CNIH3: variants seen among roughly 807,000 people sequenced by gnomAD.
CNIH3 encodes protein cornichon homolog 3.
A neutral mutation model predicts 24.1 loss-of-function variants in CNIH3; 14 were observed. The ratio of observed to expected loss-of-function variants is 0.58; its 90% CI spans 0.38 to 0.91. The LOEUF (loss-of-function observed/expected upper bound fraction) is 0.91, where lower values mean the gene tolerates loss of function less well. Among genes scored for constraint, CNIH3 ranks in the 40% least tolerant of loss-of-function variants. CNIH3 has a pLI of 0.00. For missense variants in CNIH3, 178 were observed against 196.8 expected, an observed-to-expected ratio of 0.90 and a Z score of 0.57; for synonymous variants, 68 against 73.8, an observed-to-expected ratio of 0.92 and a Z score of 0.40.
intron 1 of CNIH3, among the ~76,000 whole-genome samples, chr1:224,443,448 T>G (rs1309479335): frequency 6.6e-6 from 1 of 152,146 alleles, no homozygotes; most frequent in African/African-American, 2.4e-5. Context: ...CTAGGTCAGC[T>G]GGCAAAGGAA....
Position 224,661,625 on chromosome 1 carries a change from A to T in CNIH3, c.82-19333A>T, listed in dbSNP as rs1685358738. The T allele has an allele frequency of 9.3e-6, 3 of 321,794 alleles. No individual in the cohort carries two copies. The South Asian group carries it at 1.0e-4, about 11-fold the overall frequency. The allele number at this position is 321,794 out of a possible 1,614,324, so 19.9% of individuals were successfully genotyped here. A position where few individuals can be genotyped will look rare whatever the true frequency, so the allele number is the denominator to read the frequency against. On this transcript the variant is annotated intron_variant, in intron 1 of 5. Transcript: ENST00000272133. ...TCTACGTTATGAAATGTGATGACAA[A>T]CTCAAATGATTGTCAAAATGACTTC...
At chr1:224,574,806 T>C (rs1316185952) in intron 4 of CNIH3, 3 of 972,432 alleles carry the variant, frequency 3.1e-6, no homozygotes, top group African/African-American at 3.2e-5. Context: ...ATTTTTCCCA[T>C]TGGATGAGCC....
chr1:224,641,356 C>A (rs1684352335), intron 1 of CNIH3, among the ~76,000 whole-genome samples: 1 of 152,200 alleles, frequency 6.6e-6, no homozygotes, highest in Non-Finnish European at 1.5e-5. Context: ...TGGGAACCCT[C>A]CCCTCCATCC....
intron 1 of CNIH3, among the ~76,000 whole-genome samples, chr1:224,443,796 T>C (rs1193062936): frequency 6.6e-6 from 1 of 152,060 alleles, no homozygotes; most frequent in Non-Finnish European, 1.5e-5. Context: ...GTCCTCTGTT[T>C]CAGAGACTGC....
chr1:224,569,208 A>G (rs1172142704), intron 4 of CNIH3, among the ~76,000 whole-genome samples: 3 of 152,178 alleles, frequency 2.0e-5, no homozygotes, highest in African/African-American at 4.8e-5. Flanking sequence ...ACATTTTGCT[A>G]TATTCCAAAA....
intron 4 of CNIH3, among the ~76,000 whole-genome samples, chr1:224,571,816 A>G (rs1680831116): frequency 3.9e-5 from 6 of 152,100 alleles, no homozygotes; most frequent in Admixed American, 3.9e-4. Flanking sequence ...GTGGAAAGCA[A>G]AAGAGAGAGG....
intron 3 of CNIH3, among the ~76,000 whole-genome samples, chr1:224,554,698 C>T (rs1680064240): frequency 6.6e-6 from 1 of 152,004 alleles, no homozygotes; most frequent in African/African-American, 2.4e-5. Flanking sequence ...ATCCTCCCAC[C>T]TCAGCCTCTT....
At chr1:224,720,951 G>A (rs995134799) in intron 3 of CNIH3, among the ~76,000 whole-genome samples, 25 of 152,156 alleles carry the variant, frequency 1.6e-4, no homozygotes, top group African/African-American at 5.6e-4. Flanking sequence ...TGGCCACTAC[G>A]TTCTGCCTTC....
intron 1 of CNIH3, among the ~76,000 whole-genome samples, chr1:224,671,681 CAT>C (rs777299430): frequency 2.6e-5 from 4 of 152,226 alleles, no homozygotes; most frequent in African/African-American, 7.2e-5. Context: ...TCAAATAAAA[CAT>C]GTGAAAACAC....
exon 4 of CNIH3, chr1:224,566,237 C>G (rs1680575822): frequency 1.3e-5 from 2 of 152,110 alleles, no homozygotes; most frequent in Non-Finnish European, 1.5e-5. Context: ...ACTGGAGAGA[C>G]CAGTGCCAGA....
chr1:224,558,801 G>T (rs1160598952), intron 3 of CNIH3, among the ~76,000 whole-genome samples: 1 of 152,146 alleles, frequency 6.6e-6, no homozygotes, highest in Non-Finnish European at 1.5e-5. Flanking sequence ...TGTGAAACGA[G>T]GACACCTTTT....
chr1:224,691,749 G>A (rs1686943653), intron 3 of CNIH3, among the ~76,000 whole-genome samples: 1 of 152,148 alleles, frequency 6.6e-6, no homozygotes, highest in South Asian at 2.1e-4. Flanking sequence ...TCTCTCATTG[G>A]GCAGAGTATC....
Position 224,452,124 on chromosome 1 carries a change from G to A in CNIH3, n.203+17262G>A, listed in dbSNP as rs186969875. 1.4e-3 allele frequency among the ~76,000 whole-genome samples: 214 copies of A among 149,810 alleles called. 1 individual carries two copies. The Middle Eastern group carries it at 0.018, about 12-fold the overall frequency. ...ATTTTTCTAATAGTAGAATTAAGAC[G>A]AAAGTGAACTATTTCCTTTACCAAT... is the stretch of plus-strand genomic sequence containing the variant. On this transcript the variant is annotated intron_variant and non_coding_transcript_variant, in intron 1 of 5. Coordinates refer to the CNIH3 transcript ENST00000471578.
intron 3 of CNIH3, among the ~76,000 whole-genome samples, chr1:224,708,287 C>G (rs568700727): frequency 1.8e-4 from 28 of 152,314 alleles, no homozygotes; most frequent in Non-Finnish European, 3.7e-4. Flanking sequence ...CAGTCCCCCT[C>G]TGACTCACTC....
At chr1:224,584,570 G>C (rs1242533824) in intron 5 of CNIH3, among the ~76,000 whole-genome samples, 1 of 152,188 alleles carries the variant, frequency 6.6e-6, no homozygotes, top group African/African-American at 2.4e-5. Context: ...ATGGAAGAAA[G>C]ACTGGTAAAA....
At chr1:224,579,054 A>C (rs995062737) in intron 4 of CNIH3, among the ~76,000 whole-genome samples, 1 of 142,992 alleles carries the variant, frequency 7.0e-6, no homozygotes, top group Non-Finnish European at 1.5e-5. Flanking sequence ...TGAACTGATC[A>C]TGTTTCTTTT....
intron 3 of CNIH3, among the ~76,000 whole-genome samples, chr1:224,728,147 G>A (rs1378647439): frequency 6.6e-6 from 1 of 152,166 alleles, no homozygotes; most frequent in African/African-American, 2.4e-5. Flanking sequence ...TCAGGCCCAC[G>A]GTGGCTGTCT....
chr1:224,574,588 A>G, intron 4 of CNIH3: 1 of 796,024 alleles, frequency 1.3e-6, no homozygotes, highest in South Asian at 1.4e-5. Context: ...TACCAGAATG[A>G]GAATGACGTG....
At chr1:224,695,404 G>A (rs10799277) in intron 3 of CNIH3, among the ~76,000 whole-genome samples, 64,904 of 150,864 alleles carry the variant, frequency 0.43, 15,317 homozygotes, top group Middle Eastern at 0.57. Flanking sequence ...ACCCCTGTTG[G>A]TTCTGTTTTA....
Sources: allele counts gnomAD v4.1 joint callset (sites outside exome capture counted in the v4.1 genomes callset), GRCh38; gene constraint gnomAD v4.1.1; transcripts MANE v1.5; gene names NCBI Gene and HGNC (gene_info 2026-07-23, HGNC 2026-07-21).